The following KDM6B variants were observed in gnomAD, a reference collection of about 807,000 sequenced individuals.
KDM6B encodes the protein lysine demethylase 6B, also known as lysine-specific demethylase 6B.
KDM6B carries 22 observed loss-of-function variants against 150.4 expected under a neutral mutation model. The observed-to-expected ratio is 0.15, with a 90% confidence interval of 0.10 to 0.21. The LOEUF is 0.21. Among genes scored for constraint, KDM6B ranks in the 10% least tolerant of loss-of-function variants. The pLI, the probability that KDM6B is intolerant of heterozygous loss-of-function variation, is 1.00. For missense variants in KDM6B, 1,984 were observed against 2,234.3 expected (o/e 0.89, Z 2.26); for synonymous variants, 1,148 against 921.1 (o/e 1.25, Z -4.46).
rs767093904 is a variant in KDM6B at position 7,853,553 on chromosome 17, G to A, written c.*32G>A. The A allele has an allele frequency of 3.7e-5, 52 of 1,407,554 alleles. No individual in the cohort carries two copies. In the Admixed American group the frequency reaches 1.2e-3, roughly 31 times the overall value. 87.2% of individuals were successfully genotyped at this position (1,407,554 alleles called of 1,614,324 possible). ...ACGCCCCGCCCGCCTGCCTGCCCGCGCAAGGCGCCGCGGGGCCACCAGCAC... is the reference window on the plus strand; with the variant it reads ...ACGCCCCGCCCGCCTGCCTGCCCGCACAAGGCGCCGCGGGGCCACCAGCAC... On this transcript the variant is annotated 3_prime_UTR_variant, in exon 24 of 24. Transcript: ENST00000448097.
intron 3 of KDM6B, 79 bp from the exon 4 acceptor site, chr17:7,845,235 G>A: frequency 2.0e-6 from 1 of 508,142 alleles, no homozygotes; most frequent in Non-Finnish European, 3.6e-6. Flanking sequence ...ATTGGTGGAT[G>A]CCACAGTCCG....
At position 7,848,858 on chromosome 17, in the gene KDM6B, C is replaced by A; in HGVS notation, c.2570C>A (p.Ala857Asp). Residue 857 changes from alanine (A) to aspartate (D), a missense_variant, in exon 12 of 24, where the codon GCC becomes GAC. Ala to Asp is a moderately radical substitution (Grantham distance 126). Transcript: ENST00000448097. ...CCGCCCACCTCAGCGGCCCCTAGCG[C>A]CCAGGGCTCCCCACAGCCCTCTGCT... The part of the protein sequence containing the change: ...ALPPTSAAPS[A>D]QGSPQPSASS... The A allele has an allele frequency of 6.2e-7, 1 of 1,611,240 alleles. No individual in the cohort carries two copies. The highest frequency in any genetic ancestry group is 8.5e-7 in the Non-Finnish European group (1 of 1,179,006).
At position 7,848,763 on chromosome 17, in the gene KDM6B, T is replaced by A. The variant is rs773701174; in HGVS notation, c.2475T>A (p.Val825=). 16 of 1,612,590 alleles carry A rather than the reference T, an allele frequency of 9.9e-6. No homozygotes were observed. The highest frequency in any genetic ancestry group is 1.4e-5 in the Non-Finnish European group (16 of 1,179,986). Residue 825 remains valine (V), a synonymous_variant, in exon 12 of 24, where the codon GTT becomes GTA. Transcript: ENST00000448097. Reference sequence around the variant, plus strand: ...GTTATCGGGGGACTGGAGCAGCTGTTTCCACCCGGCCTGGGCCCTTGCCCA... The same window carrying A: ...GTTATCGGGGGACTGGAGCAGCTGTATCCACCCGGCCTGGGCCCTTGCCCA... The part of the protein sequence containing the change: ...KYCYRGTGAA[V]STRPGPLPTT...
rs1597853928 is a variant in KDM6B at position 7,850,986 on chromosome 17, T to C, written c.3674-35T>C. Reference sequence around the variant, plus strand: ...GGGTCCTCGGTCCCTATCCTCTGCCTCTGCCCCGACACCCTGCTCGGCCCT... The same window carrying C: ...GGGTCCTCGGTCCCTATCCTCTGCCCCTGCCCCGACACCCTGCTCGGCCCT... On this transcript the variant is annotated intron_variant, in intron 14 of 23. Transcript: ENST00000448097. The C allele has an allele frequency of 2.0e-6, 3 of 1,526,298 alleles. No individual in the cohort carries two copies. The African/African-American group carries it at 4.1e-5, about 21-fold the overall frequency. 94.5% of individuals were successfully genotyped at this position (1,526,298 alleles called of 1,614,324 possible). A position where few individuals can be genotyped will look rare whatever the true frequency, so the allele number is the denominator to read the frequency against.
rs1389613 is a variant in KDM6B, at chr17:7,848,262, C to T, written c.1974C>T (p.Pro658=). Residue 658 remains proline (P), a synonymous_variant, in exon 12 of 24, where the codon CCC becomes CCT. Transcript: ENST00000448097. ...GTAAAGCCCCCCAGCCTGTGCCGCC[C>T]GGGGTTGGGGAGCTGCCTGCCCGAG... is the stretch of plus-strand genomic sequence containing the variant. The part of the protein sequence containing the change: ...PLSKAPQPVP[P]GVGELPARGP... 5.0e-3 allele frequency: 7,983 copies of T among 1,612,122 alleles called. 360 individuals carry two copies. The African/African-American group carries it at 0.095, about 19-fold the overall frequency.
At position 7,845,593 on chromosome 17, in the gene KDM6B, A is replaced by T; in HGVS notation, c.39A>T (p.Ala13=). The change falls in exon 5 of 24, where the codon GCA becomes GCT. Residue 13 remains alanine, a synonymous_variant. Transcript: ENST00000448097. Reference sequence around the variant, plus strand: ...TGGACCCTCCAGGGGCCCGCGCTGCACGGGAAGCCTTTGCCCTTGGGGGCC... The same window carrying T: ...TGGACCCTCCAGGGGCCCGCGCTGCTCGGGAAGCCTTTGCCCTTGGGGGCC... The part of the protein sequence containing the change: ...RAVDPPGARA[A]REAFALGGLS... The T allele has an allele frequency of 6.2e-7, 1 of 1,614,178 alleles. No homozygotes were observed. The highest frequency in any genetic ancestry group is 2.2e-5 in the East Asian group (1 of 44,890).
At chr17:7,841,119 G>A (rs965504167) in intron 2 of KDM6B, among the ~76,000 whole-genome samples, 1 of 152,182 alleles carries the variant, frequency 6.6e-6, no homozygotes, top group Admixed American at 6.5e-5. Flanking sequence ...TAAAATGGGG[G>A]TAATCAGAGT....
Position 7,853,224 on chromosome 17 carries a change from C to T in KDM6B, c.4752C>T (p.Asn1584=). Residue 1584 remains asparagine (N), a synonymous_variant, in exon 23 of 24, where the codon AAC becomes AAT. Transcript: ENST00000448097. Reference sequence around the variant, plus strand: ...CCCTGCCCCAGGTGGAGGTGTTTAACATCCTGTTCGTGACAAGTGAGAATG... The same window carrying T: ...CCCTGCCCCAGGTGGAGGTGTTTAATATCCTGTTCGTGACAAGTGAGAATG... ...YCNECDVEVF[N]ILFVTSENGS... The T allele has an allele frequency of 6.2e-7, 1 of 1,612,832 alleles. No homozygotes were observed. The highest frequency in any genetic ancestry group is 8.5e-7 in the Non-Finnish European group (1 of 1,179,570).
Position 7,845,704 on chromosome 17 carries a change from G to C in KDM6B, c.137+13G>C, listed in dbSNP as rs759548932. On this transcript the variant is annotated intron_variant, in intron 5 of 23. Transcript: ENST00000448097. ...TGCCTGGAGGCAGGTGAGAAGTTGG[G>C]GCCCTCTGTCTCCAGGCACACCTCT... 2 of 1,613,946 alleles carry C rather than the reference G, an allele frequency of 1.2e-6. No individual in the cohort carries two copies. Among genetic ancestry groups the C allele is most frequent in the South Asian group, 1.1e-5 (1 of 91,094 alleles).
At chr17:7,838,866 C>T (rs2078373378) in intron 1 of KDM6B, among the ~76,000 whole-genome samples, 1 of 152,096 alleles carries the variant, frequency 6.6e-6, no homozygotes, top group South Asian at 2.1e-4. Flanking sequence ...ACTACCCTGG[C>T]TTAGGAAGGA....
chr17:7,853,717 G>GA lies in KDM6B; in HGVS notation c.*204dup, dbSNP rs1247426729. 6.3e-5 allele frequency: 22 copies of GA among 348,076 alleles called. No individual in the cohort carries two copies. The highest frequency in any genetic ancestry group is 1.1e-4 in the South Asian group (1 of 8,962). 21.6% of individuals were successfully genotyped at this position (348,076 alleles called of 1,614,324 possible). A position where few individuals can be genotyped will look rare whatever the true frequency, so the allele number is the denominator to read the frequency against. The stretch of plus-strand genomic sequence containing the variant: ...TTTTTAGCAAATATGAGGAAAAAAG[G>GA]AAAAAAAATGGGAGACGGGGGAGGG... On this transcript the variant is annotated 3_prime_UTR_variant, in exon 24 of 24. Coordinates refer to ENST00000448097, the MANE Select transcript of KDM6B (RefSeq NM_001348716.2).
At chr17:7,840,045 C>T (rs1238703386) in intron 2 of KDM6B, 21 bp downstream of exon 2, 1 of 152,570 alleles carries the variant, frequency 6.6e-6, no homozygotes, top group Non-Finnish European at 1.5e-5. Context: ...TCTGAGTGAC[C>T]CTCTCTCCTC....
At position 7,848,182 on chromosome 17, in the gene KDM6B, G is replaced by A; in HGVS notation, c.1894G>A (p.Val632Ile). The change falls in exon 12 of 24, where the codon GTC becomes ATC. Residue 632 changes from valine to isoleucine, a missense_variant. Val to Ile is a conservative substitution (Grantham distance 29, BLOSUM62 3). Around this residue, in one of 13 missense-constraint regions of KDM6B, gnomAD observed 1,379 missense variants for 1,275.6 expected, o/e 1.08. Coordinates refer to ENST00000448097, the MANE Select transcript of KDM6B (RefSeq NM_001348716.2). ...FRRPESPRPRVSFPKTPEVGP... is the reference protein window; with the variant it reads ...FRRPESPRPRISFPKTPEVGP... ...GCGCCCGGAGAGCCCCCGGCCCAGG[G>A]TCTCCTTCCCAAAGACCCCCGAGGT... The A allele has an allele frequency of 6.2e-7, 1 of 1,612,366 alleles. No individual in the cohort carries two copies. The highest frequency in any genetic ancestry group is 8.5e-7 in the Non-Finnish European group (1 of 1,179,786).
chr17:7,837,403 G>C (rs2078348996), intron 1 of KDM6B, among the ~76,000 whole-genome samples: 2 of 152,216 alleles, frequency 1.3e-5, no homozygotes, highest in South Asian at 4.1e-4. Context: ...AAAAGTCAGG[G>C]TCTTTATTGT....
intron 2 of KDM6B, among the ~76,000 whole-genome samples, chr17:7,842,484 T>G (rs1597825687): frequency 1.3e-5 from 2 of 152,208 alleles, no homozygotes; most frequent in Non-Finnish European, 2.9e-5. Flanking sequence ...TCTGTGGGTG[T>G]CAGTCTTTGT....
chr17:7,838,040 T>A (rs894432434), intron 1 of KDM6B, among the ~76,000 whole-genome samples: 3 of 151,848 alleles, frequency 2.0e-5, no homozygotes, highest in Non-Finnish European at 4.4e-5. Flanking sequence ...GCTAAGACTA[T>A]TCCGTGGGCC....
In KDM6B at chr17:7,844,952, G is replaced by A. The variant is rs2078500692; in HGVS notation, c.-217G>A. The A allele has an allele frequency of 1.2e-5, 2 of 170,524 alleles. No homozygotes were observed. Among genetic ancestry groups the A allele is most frequent in the Non-Finnish European group, 2.6e-5 (2 of 76,552 alleles). 10.6% of individuals were successfully genotyped at this position (170,524 alleles called of 1,614,324 possible). ...GATGATTGGCTTTCTGGGGAGAGAGGAAGTCCTGTGATTGGCCAGATCTCT... is the reference window on the plus strand; with the variant it reads ...GATGATTGGCTTTCTGGGGAGAGAGAAAGTCCTGTGATTGGCCAGATCTCT... On this transcript the variant is annotated 5_prime_UTR_variant, in exon 3 of 24. Coordinates refer to ENST00000448097, the MANE Select transcript of KDM6B (RefSeq NM_001348716.2). The surrounding 1 kb of genome is among the most constrained non-coding windows in gnomAD (Gnocchi z 5.9).
chr17:7,841,888 C>T (rs2078421244), intron 2 of KDM6B, among the ~76,000 whole-genome samples: 1 of 152,156 alleles, frequency 6.6e-6, no homozygotes, highest in Non-Finnish European at 1.5e-5. Context: ...GGCGGCCCTC[C>T]CCTCCGCCTC....
chr17:7,852,681 C>T (rs2151379947), intron 21 of KDM6B, 45 bp downstream of exon 21: 1 of 1,612,288 alleles, frequency 6.2e-7, no homozygotes, highest in East Asian at 2.2e-5. Context: ...CTGACTGGTC[C>T]CTTTTCTTGT....
Sources: gnomAD v4.1 joint callset for allele counts (sites outside exome capture counted in the v4.1 genomes callset) on GRCh38, gnomAD v4.1.1 for gene constraint, gnomAD v4.1.1 regional missense constraint, Gnocchi (gnomAD v3.1) non-coding constraint, MANE v1.5 for transcripts, NCBI Gene and HGNC (gene_info 2026-07-23, HGNC 2026-07-21) for gene names.